The following SLC6A3 variants were observed in gnomAD, a reference collection of about 807,000 sequenced individuals.
The protein encoded by SLC6A3 is sodium-dependent dopamine transporter.
Under a neutral mutation model 70.4 loss-of-function variants are expected in SLC6A3, and 19 were observed. The observed-to-expected ratio is 0.27, with a 90% CI of 0.19 to 0.40. SLC6A3 has a LOEUF of 0.40. SLC6A3 is among the 10% of genes least tolerant of loss of function. The pLI, the probability that SLC6A3 is intolerant of heterozygous loss-of-function variation, is 1.00. For missense variants in SLC6A3, 613 were observed against 838.5 expected (o/e 0.73, Z 3.32); for synonymous variants, 368 against 356.6 (o/e 1.03, Z -0.36).
Position 1,402,750 on chromosome 5 carries a change from G to T in SLC6A3, c.1767+172C>A, listed in dbSNP as rs556119151. On this transcript the variant is annotated intron_variant, in intron 13 of 14. Coordinates refer to ENST00000270349, the MANE Select transcript of SLC6A3 (RefSeq NM_001044.5). The surrounding 1 kb of genome is among the most constrained non-coding windows in gnomAD (Gnocchi z 8.5). ...TGGACGCACACCCATGGGCCCGGGC[G>T]TGCAGGTGGACACACACACGCACAC... Among the ~76,000 whole-genome samples, 17 of 152,124 alleles carry T rather than the reference G, an allele frequency of 1.1e-4. No homozygotes were observed. The highest frequency in any genetic ancestry group is 1.1e-3 in the Admixed American group (17 of 15,278).
In SLC6A3 at chr5:1,405,715, G is replaced by A. The variant is rs117515401; in HGVS notation, c.1599+473C>T. ...TCGGTGGCGGATGACAGAAGCAAGT[G>A]CCTACTGGACACAGTGATGCTGCTG... On this transcript the variant is annotated intron_variant, in intron 12 of 14. Coordinates refer to ENST00000270349, the MANE Select transcript of SLC6A3 (RefSeq NM_001044.5). This position sits in a 1 kb window ranked among gnomAD's most constrained non-coding sequence, Gnocchi z 5.3. Among the ~76,000 whole-genome samples the A allele has an allele frequency of 6.6e-6, 1 of 152,252 alleles. No homozygotes were observed.
chr5:1,402,245 T>A lies in SLC6A3; in HGVS notation c.1767+677A>T, dbSNP rs914937821. On this transcript the variant is annotated intron_variant, in intron 13 of 14. Coordinates refer to ENST00000270349, the MANE Select transcript of SLC6A3 (RefSeq NM_001044.5). The surrounding 1 kb of genome is among the most constrained non-coding windows in gnomAD (Gnocchi z 8.5). ...GGGCGACCCTCTTCCAAGGAGGGAG[T>A]GTCCTTGTCTCTTCCTGGAACCACA... 6.6e-6 allele frequency among the ~76,000 whole-genome samples: 1 copy of A among 151,170 alleles called. No homozygotes were observed. The highest frequency in any genetic ancestry group is 2.4e-5 in the African/African-American group (1 of 41,052).
chr5:1,434,467 A>T (rs1367550512), intron 3 of SLC6A3, among the ~76,000 whole-genome samples: 1 of 152,252 alleles, frequency 6.6e-6, no homozygotes, highest in Non-Finnish European at 1.5e-5. Flanking sequence ...GTAAACTGGA[A>T]CAGAACTCAG....
intron 3 of SLC6A3, among the ~76,000 whole-genome samples, chr5:1,433,867 C>A (rs556914850): frequency 3.7e-4 from 57 of 152,270 alleles, no homozygotes; most frequent in Non-Finnish European, 6.2e-4. Context: ...TCATCCATGG[C>A]TGTCCACAAC....
In SLC6A3 at chr5:1,393,678, G is replaced by A. The variant is rs1487361089; in HGVS notation, c.*1057C>T. 1.3e-4 allele frequency: 19 copies of A among 143,454 alleles called. No individual in the cohort carries two copies. Among genetic ancestry groups the A allele is most frequent in the South Asian group, 4.6e-4 (2 of 4,386 alleles). The allele number at this position is 143,454 out of a possible 1,614,324, so 8.9% of individuals were successfully genotyped here. On this transcript the variant is annotated 3_prime_UTR_variant, in exon 15 of 15. Coordinates refer to ENST00000270349, the MANE Select transcript of SLC6A3 (RefSeq NM_001044.5). Reference sequence around the variant, plus strand: ...ACGCTCCTGTGGGGGCCCTGCATGCGTCCTGGGGTAGTACACGCTCCTGTG... The same window carrying A: ...ACGCTCCTGTGGGGGCCCTGCATGCATCCTGGGGTAGTACACGCTCCTGTG...
rs141056632 is a variant in SLC6A3, at chr5:1,420,673, C to T, written c.823G>A (p.Val275Met). 16 of 1,613,560 alleles carry T rather than the reference C, an allele frequency of 9.9e-6. No individual in the cohort carries two copies. Among genetic ancestry groups the T allele is most frequent in the South Asian group, 3.3e-5 (3 of 91,086 alleles). ...VVWITATMPY[V>M]VLTALLLRGV... is the part of the protein sequence containing the mutation. The stretch of plus-strand genomic sequence containing the variant: ...CGCAGGAGCAGGGCAGTGAGGACCA[C>T]GTATGGCATGGTGGCTGTGATCCAT... Residue 275 changes from valine (V) to methionine (M), a missense_variant, in exon 6 of 15, where the codon GTG (valine) becomes ATG (methionine). Coordinates refer to ENST00000270349, the MANE Select transcript of SLC6A3 (RefSeq NM_001044.5).
intron 4 of SLC6A3, 125 bp from the exon 5 acceptor site, chr5:1,422,139 G>A (rs1756451188): frequency 1.9e-6 from 2 of 1,039,214 alleles, no homozygotes; most frequent in Non-Finnish European, 1.4e-6. Context: ...CAGTCTGATG[G>A]ACAAGAGATG....
In SLC6A3 at chr5:1,408,293, C is replaced by T. The variant is rs1013621858; in HGVS notation, c.1498+733G>A. On this transcript the variant is annotated intron_variant, in intron 11 of 14. Coordinates refer to ENST00000270349, the MANE Select transcript of SLC6A3 (RefSeq NM_001044.5). The surrounding 1 kb of genome is among the most constrained non-coding windows in gnomAD (Gnocchi z 6.4). ...TCTTGATCTCGTGATCTGCCCACCT[C>T]GGCCTCCCAAAGTGCTGGGATTACA... Among the ~76,000 whole-genome samples, 4 of 151,498 alleles carry T rather than the reference C, an allele frequency of 2.6e-5. No individual in the cohort carries two copies. The highest frequency in any genetic ancestry group is 1.9e-4 in the East Asian group (1 of 5,174).
Position 1,411,590 on chromosome 5 carries a change from G to T in SLC6A3, c.1157-235C>A, listed in dbSNP as rs1384775182. ...GTTCATGCCCACCACCCAGCAATGG[G>T]GCTCCTCCAAATTACCTGGGTCCTT... On this transcript the variant is annotated intron_variant, in intron 8 of 14. Transcript: ENST00000270349. This position sits in a 1 kb window ranked among gnomAD's most constrained non-coding sequence, Gnocchi z 6.5. Among the ~76,000 whole-genome samples, 4 of 152,204 alleles carry T rather than the reference G, an allele frequency of 2.6e-5. No individual in the cohort carries two copies. Among genetic ancestry groups the T allele is most frequent in the African/African-American group, 9.6e-5 (4 of 41,456 alleles).
intron 4 of SLC6A3, among the ~76,000 whole-genome samples, chr5:1,429,686 C>T (rs1238182215): frequency 6.6e-6 from 1 of 152,206 alleles, no homozygotes; most frequent in African/African-American, 2.4e-5. Context: ...TTTAACAGGG[C>T]GTTGGGTACC....
rs749147591 is a variant in SLC6A3, at chr5:1,393,464, CAT to C, written c.*1269_*1270del. On this transcript the variant is annotated 3_prime_UTR_variant, in exon 15 of 15. Transcript: ENST00000270349. ...ATGATTTTAAAAAGCCATTCGCAAA[CAT>C]AAAAACTGTTGTTATTGATGTGGCA... 14 of 153,462 alleles carry C rather than the reference CAT, an allele frequency of 9.1e-5. No homozygotes were observed. The Middle Eastern group carries it at 4.4e-3, about 48-fold the overall frequency. 9.5% of individuals were successfully genotyped at this position (153,462 alleles called of 1,614,324 possible). A position where few individuals can be genotyped will look rare whatever the true frequency, so the allele number is the denominator to read the frequency against.
rs1236031114 is a variant in SLC6A3, at chr5:1,408,166, A to G, written c.1498+860T>C. Among the ~76,000 whole-genome samples, 4 of 150,086 alleles carry G rather than the reference A, an allele frequency of 2.7e-5. No individual in the cohort carries two copies. The highest frequency in any genetic ancestry group is 5.9e-5 in the Non-Finnish European group (4 of 67,732). On this transcript the variant is annotated intron_variant, in intron 11 of 14. Coordinates refer to ENST00000270349, the MANE Select transcript of SLC6A3 (RefSeq NM_001044.5). This position sits in a 1 kb window ranked among gnomAD's most constrained non-coding sequence, Gnocchi z 6.4. Reference sequence around the variant, plus strand: ...TCAGAAAATCTACAGCCTCCTGACTAGCTGGGATTATAGCCTTGTGCCACC... The same window carrying G: ...TCAGAAAATCTACAGCCTCCTGACTGGCTGGGATTATAGCCTTGTGCCACC...
At position 1,442,653 on chromosome 5, in the gene SLC6A3, C is replaced by T. The variant is rs1733705991; in HGVS notation, c.286+259G>A. Among the ~76,000 whole-genome samples, 1 of 151,934 alleles carries T rather than the reference C, an allele frequency of 6.6e-6. No homozygotes were observed. On this transcript the variant is annotated intron_variant, in intron 2 of 14. Transcript: ENST00000270349. The surrounding 1 kb of genome is among the most constrained non-coding windows in gnomAD (Gnocchi z 5.0). ...CAGAGCCAAGCTGCCCCGTCTGCCG[C>T]CCCCCACCCCCCAGCTTCTTCGCGG...
In SLC6A3 at chr5:1,421,804, G is replaced by A; in HGVS notation, c.792+72C>T. On this transcript the variant is annotated intron_variant, in intron 5 of 14. Transcript: ENST00000270349. The surrounding 1 kb of genome is among the most constrained non-coding windows in gnomAD (Gnocchi z 7.2). ...AACTGAGGCCACACGTGCACCTCCT[G>A]TCCAGCCACGGCCACATGTCCACTT... is the stretch of plus-strand genomic sequence containing the variant. The A allele has an allele frequency of 6.4e-7, 1 of 1,557,136 alleles. No individual in the cohort carries two copies. The highest frequency in any genetic ancestry group is 8.8e-7 in the Non-Finnish European group (1 of 1,131,364).
At chr5:1,431,449 CT>C (rs1053808743) in intron 4 of SLC6A3, among the ~76,000 whole-genome samples, 25 of 149,664 alleles carry the variant, frequency 1.7e-4, no homozygotes, top group Non-Finnish European at 3.4e-4. Flanking sequence ...TCGGGGTGGA[CT>C]GTATGGGTTG....
intron 1 of SLC6A3, among the ~76,000 whole-genome samples, chr5:1,443,889 G>T (rs1028455366): frequency 3.9e-5 from 6 of 151,910 alleles, no homozygotes; most frequent in Non-Finnish European, 5.9e-5. Context: ...TAGAGACAGG[G>T]TCTGACTATT....
In SLC6A3 at chr5:1,405,697, C is replaced by T. The variant is rs527640202; in HGVS notation, c.1599+491G>A. ...TGCCCGGTGGGCCCTGACTCGGTGGCGGATGACAGAAGCAAGTGCCTACTG... is the reference window on the plus strand; with the variant it reads ...TGCCCGGTGGGCCCTGACTCGGTGGTGGATGACAGAAGCAAGTGCCTACTG... On this transcript the variant is annotated intron_variant, in intron 12 of 14. Transcript: ENST00000270349. The surrounding 1 kb of genome is among the most constrained non-coding windows in gnomAD (Gnocchi z 5.3). Among the ~76,000 whole-genome samples the T allele has an allele frequency of 1.9e-3, 292 of 152,322 alleles. No individual in the cohort carries two copies. The highest frequency in any genetic ancestry group is 6.7e-3 in the African/African-American group (278 of 41,570).
chr5:1,440,950 T>C (rs1196237363), intron 3 of SLC6A3, among the ~76,000 whole-genome samples: 3 of 152,086 alleles, frequency 2.0e-5, no homozygotes, highest in African/African-American at 7.2e-5. Flanking sequence ...GATGGATGGA[T>C]TAGGTAGATA....
In SLC6A3 at chr5:1,406,527, G is replaced by A. The variant is rs138379658; in HGVS notation, c.1499-239C>T. Among the ~76,000 whole-genome samples the A allele has an allele frequency of 3.6e-3, 543 of 152,254 alleles. 6 individuals are homozygous for A. The highest frequency in any genetic ancestry group is 0.013 in the African/African-American group (520 of 41,540). On this transcript the variant is annotated intron_variant, in intron 11 of 14. Coordinates refer to ENST00000270349, the MANE Select transcript of SLC6A3 (RefSeq NM_001044.5). This position sits in a 1 kb window ranked among gnomAD's most constrained non-coding sequence, Gnocchi z 8.8. ...GATGCACCAGGAAGAGCCGTGCCCC[G>A]GTGGGTGCTCCCCGCGCCCCGGCAA...
Sources: allele counts gnomAD v4.1 joint callset (sites outside exome capture counted in the v4.1 genomes callset), GRCh38; gene constraint gnomAD v4.1.1; non-coding constraint Gnocchi (gnomAD v3.1); transcripts MANE v1.5; gene names NCBI Gene and HGNC (gene_info 2026-07-23, HGNC 2026-07-21).